The following CTNNBL1 variants were observed in gnomAD, a reference collection of about 807,000 sequenced individuals.
The protein encoded by CTNNBL1 is beta-catenin-like protein 1.
CTNNBL1 carries 31 observed loss-of-function variants against 72.7 expected under a neutral mutation model. The observed-to-expected ratio is 0.43, with a 90% CI of 0.32 to 0.58. CTNNBL1 has a LOEUF of 0.58. Ranked by LOEUF, CTNNBL1 falls within the 20% of genes least tolerant of loss-of-function variation. The pLI, the probability that CTNNBL1 is intolerant of heterozygous loss-of-function variation, is 0.08. For synonymous variants in CTNNBL1, 240 were observed against 267.3 expected (o/e 0.90, Z 1.00); for missense variants, 534 against 725.1 (o/e 0.74, Z 3.03).
intron 15 of CTNNBL1, among the ~76,000 whole-genome samples, chr20:37,868,397 C>T (rs2072555089): frequency 1.3e-5 from 2 of 152,098 alleles, no homozygotes; most frequent in Non-Finnish European, 2.9e-5. Context: ...TCTGTTTCCC[C>T]CTGGGTAAGT....
At chr20:37,852,716 G>C (rs1285273280) in intron 13 of CTNNBL1, among the ~76,000 whole-genome samples, 1 of 152,170 alleles carries the variant, frequency 6.6e-6, no homozygotes, top group African/African-American at 2.4e-5. Flanking sequence ...AGTGATTTCA[G>C]GGCTGTTTCC....
Position 37,746,207 on chromosome 20 carries a change from G to A in CTNNBL1, c.327-261G>A, listed in dbSNP as rs183106432. On this transcript the variant is annotated intron_variant, in intron 3 of 15. Transcript: ENST00000361383. ...ATCGTTTAGTGCTACAAAATGCTTC[G>A]GGAGCCTCTGAAAGGCAGCTTGTGA... 4.2e-4 allele frequency among the ~76,000 whole-genome samples: 64 copies of A among 152,236 alleles called. No homozygotes were observed. The South Asian group carries it at 9.3e-3, about 22-fold the overall frequency.
chr20:37,755,533 G>A (rs1392996170), intron 4 of CTNNBL1, among the ~76,000 whole-genome samples: 1 of 152,130 alleles, frequency 6.6e-6, no homozygotes, highest in Admixed American at 6.5e-5. Flanking sequence ...TCACCTTTAA[G>A]AGTGAAGGAG....
intron 3 of CTNNBL1, among the ~76,000 whole-genome samples, chr20:37,742,803 CTTTA>C (rs886308315): frequency 1.3e-5 from 2 of 152,028 alleles, no homozygotes; most frequent in East Asian, 1.9e-4. Flanking sequence ...CGTTCAATTA[CTTTA>C]TTTATTTATT....
intron 1 of CTNNBL1, among the ~76,000 whole-genome samples, chr20:37,730,151 A>G (rs1220344000): frequency 6.6e-6 from 1 of 152,230 alleles, no homozygotes. Flanking sequence ...GTACTGTTCA[A>G]TACAAGTCAA....
intron 7 of CTNNBL1, among the ~76,000 whole-genome samples, chr20:37,769,996 T>C (rs1223828009): frequency 6.6e-6 from 1 of 152,220 alleles, no homozygotes; most frequent in Non-Finnish European, 1.5e-5. Context: ...AACCTTGATT[T>C]ACATAACATA....
intron 1 of CTNNBL1, among the ~76,000 whole-genome samples, chr20:37,726,175 C>G (rs969223173): frequency 2.6e-5 from 4 of 152,160 alleles, no homozygotes; most frequent in Non-Finnish European, 5.9e-5. Context: ...GACTTCAAAA[C>G]TCATTCTCCA....
At position 37,768,042 on chromosome 20, in the gene CTNNBL1, A is replaced by T; in HGVS notation, c.748A>T (p.Lys250Ter). 1 of 1,613,624 alleles carries T rather than the reference A, an allele frequency of 6.2e-7. No homozygotes were observed. Among genetic ancestry groups the T allele is most frequent in the Non-Finnish European group, 8.5e-7 (1 of 1,179,690 alleles). ...TCTACAGTGGCTGTTGAAGAGGCTG[A>T]AGGTGAGTTTGGCTGTGGGGAACTG... is the stretch of plus-strand genomic sequence containing the variant. ...GLLQWLLKRL[K>*]AKMPFDANKL... is the part of the protein sequence containing the mutation. Residue 250 changes from lysine to a stop codon, truncating the protein, a stop_gained and splice_region_variant, in exon 7 of 16, where the codon AAG becomes TAG. Transcript: ENST00000361383. LOFTEE classifies it high-confidence loss of function.
chr20:37,765,308 T>G lies in CTNNBL1; in HGVS notation c.658+18T>G, dbSNP rs74975514. 50 of 1,471,442 alleles carry G rather than the reference T, an allele frequency of 3.4e-5. No homozygotes were observed. The African/African-American group carries it at 6.7e-4, about 20-fold the overall frequency. 91.1% of individuals were successfully genotyped at this position (1,471,442 alleles called of 1,614,324 possible). On this transcript the variant is annotated intron_variant, in intron 6 of 15. Transcript: ENST00000361383. Reference sequence around the variant, plus strand: ...CACTCTGGGTGAGAGGAAGGGTGCTTGCCATTGCCTGAGTTGCTTTGTGTT... The same window carrying G: ...CACTCTGGGTGAGAGGAAGGGTGCTGGCCATTGCCTGAGTTGCTTTGTGTT...
chr20:37,812,239 G>A (rs2072018096), intron 11 of CTNNBL1, among the ~76,000 whole-genome samples: 1 of 152,146 alleles, frequency 6.6e-6, no homozygotes. Context: ...GTCTCTAGCA[G>A]GTAGCATTCA....
chr20:37,867,854 A>G (rs886138809), intron 15 of CTNNBL1, among the ~76,000 whole-genome samples: 1 of 152,188 alleles, frequency 6.6e-6, no homozygotes, highest in African/African-American at 2.4e-5. Flanking sequence ...GGACTCTGCC[A>G]TAGAAACAAA....
At chr20:37,858,578 A>G (rs945613960) in intron 13 of CTNNBL1, among the ~76,000 whole-genome samples, 1 of 144,216 alleles carries the variant, frequency 6.9e-6, no homozygotes, top group African/African-American at 2.5e-5. Flanking sequence ...AGTGCCCAGG[A>G]TGAGGGGCGA....
intron 1 of CTNNBL1, among the ~76,000 whole-genome samples, chr20:37,727,729 T>C (rs1353336420): frequency 6.6e-6 from 1 of 152,146 alleles, no homozygotes; most frequent in Non-Finnish European, 1.5e-5. Flanking sequence ...CCTCTGGGGA[T>C]TGGTTGTGTA....
intron 13 of CTNNBL1, among the ~76,000 whole-genome samples, chr20:37,852,467 G>A (rs142361715): frequency 7.2e-4 from 109 of 152,290 alleles, no homozygotes; most frequent in African/African-American, 2.4e-3. Flanking sequence ...GTCCTGTTGC[G>A]GTGGTGAAGT....
chr20:37,795,042 G>GT (rs985376237), intron 10 of CTNNBL1, among the ~76,000 whole-genome samples: 8 of 150,754 alleles, frequency 5.3e-5, no homozygotes, highest in African/African-American at 1.5e-4. Flanking sequence ...AGTTTATGTA[G>GT]TTTTTTTCAC....
At chr20:37,719,252 A>G (rs2073019458) in intron 1 of CTNNBL1, among the ~76,000 whole-genome samples, 1 of 152,166 alleles carries the variant, frequency 6.6e-6, no homozygotes, top group Admixed American at 6.5e-5. Flanking sequence ...GGCCCAAGGA[A>G]CTTGGAGAAT....
At chr20:37,777,543 G>A (rs1162334482) in intron 8 of CTNNBL1, 111 bp from the exon 9 acceptor site, 7 of 1,382,582 alleles carry the variant, frequency 5.1e-6, no homozygotes, top group African/African-American at 1.4e-5. Context: ...TGCTGCTTTT[G>A]TACTCTGTCA....
At chr20:37,815,646 G>A (rs1261421209) in intron 11 of CTNNBL1, among the ~76,000 whole-genome samples, 3 of 152,270 alleles carry the variant, frequency 2.0e-5, no homozygotes, top group South Asian at 2.1e-4. Context: ...TGTTGTGAAT[G>A]TGTTGGGACT....
chr20:37,856,191 ACTC>A, intron 13 of CTNNBL1, among the ~76,000 whole-genome samples: 1 of 97,156 alleles, frequency 1.0e-5, no homozygotes, highest in African/African-American at 4.1e-5. Context: ...CAAGAGCAAA[ACTC>A]CTTCTCAAAA....
Sources: gnomAD v4.1 joint callset for allele counts (sites outside exome capture counted in the v4.1 genomes callset) on GRCh38, gnomAD v4.1.1 for gene constraint, MANE v1.5 for transcripts, NCBI Gene and HGNC (gene_info 2026-07-23, HGNC 2026-07-21) for gene names.